NAV2: variants seen among roughly 807,000 people sequenced by gnomAD.
NAV2 encodes helicase, APC down-regulated 1.
NAV2 carries 54 observed loss-of-function variants against 223.2 expected under a neutral mutation model. The ratio of observed to expected loss-of-function variants is 0.24; its 90% CI spans 0.19 to 0.30. NAV2 has a LOEUF of 0.30. Among genes scored for constraint, NAV2 ranks in the 10% least tolerant of loss-of-function variants. NAV2 has a pLI of 1.00. For missense variants in NAV2, 2,806 were observed against 3,147.5 expected (o/e 0.89, Z 2.60); for synonymous variants, 1,279 against 1,239.3 (o/e 1.03, Z -0.67).
At chr11:19,583,820 A>G (rs1198896196) in intron 1 of NAV2, among the ~76,000 whole-genome samples, 6 of 152,136 alleles carry the variant, frequency 3.9e-5, no homozygotes, top group Admixed American at 2.0e-4. Context: ...TTCATCAGGG[A>G]TATTGGTCTA....
intron 1 of NAV2, among the ~76,000 whole-genome samples, chr11:19,427,477 T>C (rs1264686779): frequency 6.6e-6 from 1 of 152,162 alleles, no homozygotes; most frequent in Non-Finnish European, 1.5e-5. Flanking sequence ...AAGTGTCAAA[T>C]AGAACCCAGA....
intron 1 of NAV2, among the ~76,000 whole-genome samples, chr11:19,419,334 T>G (rs921358619): frequency 6.6e-6 from 1 of 152,240 alleles, no homozygotes; most frequent in African/African-American, 2.4e-5. Flanking sequence ...AAATCCATCA[T>G]GAGCCAATTA....
intron 1 of NAV2, among the ~76,000 whole-genome samples, chr11:19,648,278 A>G (rs2047872636): frequency 6.6e-6 from 1 of 152,196 alleles, no homozygotes; most frequent in African/African-American, 2.4e-5. Context: ...TGGAAACACT[A>G]TATAAAATAC....
At chr11:19,524,827 T>C (rs1007828286) in intron 1 of NAV2, among the ~76,000 whole-genome samples, 15 of 152,352 alleles carry the variant, frequency 9.8e-5, no homozygotes, top group African/African-American at 3.6e-4. Flanking sequence ...CTTTACAAGC[T>C]TCTAGGCTTT....
intron 1 of NAV2, among the ~76,000 whole-genome samples, chr11:19,548,972 C>T (rs1432629587): frequency 6.6e-6 from 1 of 151,926 alleles, no homozygotes; most frequent in East Asian, 1.9e-4. Context: ...TCTTCATTCC[C>T]TTCTTTTTGT....
chr11:19,662,276 A>G (rs2048304754), intron 1 of NAV2, among the ~76,000 whole-genome samples: 1 of 152,238 alleles, frequency 6.6e-6, no homozygotes, highest in Non-Finnish European at 1.5e-5. Context: ...AGTAAAAAAA[A>G]TATTATGATT....
At chr11:19,603,300 C>G (rs79066087) in intron 1 of NAV2, among the ~76,000 whole-genome samples, 1 of 152,188 alleles carries the variant, frequency 6.6e-6, no homozygotes, top group African/African-American at 2.4e-5. Context: ...TAAACACCCA[C>G]TATGTGCCAG....
intron 1 of NAV2, among the ~76,000 whole-genome samples, chr11:19,587,057 C>A (rs562068586): frequency 6.6e-6 from 1 of 152,224 alleles, no homozygotes; most frequent in African/African-American, 2.4e-5. Context: ...CTTTGTTTAC[C>A]TACTCAAGCC....
At chr11:19,776,321 G>A (rs1028499793) in intron 1 of NAV2, among the ~76,000 whole-genome samples, 1 of 152,200 alleles carries the variant, frequency 6.6e-6, no homozygotes, top group Non-Finnish European at 1.5e-5. Flanking sequence ...CAAGGGTTGG[G>A]CAGGAAGGTG....
intron 1 of NAV2, among the ~76,000 whole-genome samples, chr11:19,717,512 G>A (rs2050398674): frequency 6.6e-6 from 1 of 152,264 alleles, no homozygotes; most frequent in South Asian, 2.1e-4. Context: ...GAATGTGATA[G>A]TGGAGAATGA....
intron 1 of NAV2, among the ~76,000 whole-genome samples, chr11:19,371,859 C>A (rs754165972): frequency 6.6e-6 from 1 of 150,420 alleles, no homozygotes; most frequent in African/African-American, 2.5e-5. Flanking sequence ...CTTACTGCAA[C>A]CTCCTCCTCC....
chr11:20,113,427 C>T (rs1227892427), intron 36 of NAV2, among the ~76,000 whole-genome samples: 1 of 152,146 alleles, frequency 6.6e-6, no homozygotes, highest in Non-Finnish European at 1.5e-5. Context: ...CTTGAAATTG[C>T]TAGTAATGGT....
In NAV2 at chr11:19,617,301, A is replaced by C. The variant is rs74910357; in HGVS notation, c.76-215183A>C. ...CTAGTTAGGTGGGTGTTAGGAGGAC[A>C]TCTTAGGAGGATGTTGGCAGCTGGA... On this transcript the variant is annotated intron_variant, in intron 1 of 37. Coordinates refer to the NAV2 transcript ENST00000360655. Among the ~76,000 whole-genome samples the C allele has an allele frequency of 9.6e-3, 1,468 of 152,270 alleles. 19 individuals carry two copies. The highest frequency in any genetic ancestry group is 0.043 in the South Asian group (207 of 4,820).
At chr11:19,544,776 A>C (rs933055887) in intron 1 of NAV2, among the ~76,000 whole-genome samples, 2 of 152,214 alleles carry the variant, frequency 1.3e-5, no homozygotes, top group African/African-American at 4.8e-5. Context: ...GGAGCCAGCT[A>C]GGGCTGGAGG....
At chr11:19,984,830 G>A (rs1477553967) in intron 11 of NAV2, among the ~76,000 whole-genome samples, 1 of 152,198 alleles carries the variant, frequency 6.6e-6, no homozygotes, top group Admixed American at 6.5e-5. Context: ...TAATAAAAGA[G>A]GACTATTTGG....
chr11:19,928,953 G>A (rs1161499407), intron 6 of NAV2, among the ~76,000 whole-genome samples: 3 of 152,116 alleles, frequency 2.0e-5, no homozygotes, highest in Non-Finnish European at 4.4e-5. Context: ...AGGACCCCAG[G>A]ATTAGAAATG....
In NAV2 at chr11:20,119,480, G is replaced by A. The variant is rs2063364939; in HGVS notation, c.*1222G>A. 1 of 152,682 alleles carries A rather than the reference G, an allele frequency of 6.5e-6. No individual in the cohort carries two copies. Among genetic ancestry groups the A allele is most frequent in the Non-Finnish European group, 1.5e-5 (1 of 68,120 alleles). The allele number at this position is 152,682 out of a possible 1,614,324, so 9.5% of individuals were successfully genotyped here. ...CGTCCCCGCCCCAGCTTCCGGTGGG[G>A]TGATGCGGTCACCCTGCAAAAGACT... On this transcript the variant is annotated 3_prime_UTR_variant, in exon 38 of 38. Transcript: ENST00000349880.
intron 8 of NAV2, among the ~76,000 whole-genome samples, chr11:19,944,501 T>TCTTTCCCCTTTCCC (rs1001479441): frequency 6.7e-6 from 1 of 149,136 alleles, no homozygotes; most frequent in Non-Finnish European, 1.5e-5. Flanking sequence ...TCCCCTTTCC[T>TCTTTCCCCTTTCCC]CTTTCCCCTT....
rs185733582 is a variant in NAV2, at chr11:19,992,618, C to T, written c.2768+8371C>T. ...TTTTTTTTTTTTTGAGATGGAGTCTCGCTCTGTTCCCCAGGCTGGAGTGCA... is the reference window on the plus strand; with the variant it reads ...TTTTTTTTTTTTTGAGATGGAGTCTTGCTCTGTTCCCCAGGCTGGAGTGCA... On this transcript the variant is annotated intron_variant, in intron 11 of 37. Coordinates refer to ENST00000349880, the MANE Select transcript of NAV2 (RefSeq NM_145117.5). Among the ~76,000 whole-genome samples the T allele has an allele frequency of 3.1e-3, 376 of 121,612 alleles. 1 individual carries two copies. The highest frequency in any genetic ancestry group is 4.6e-3 in the Non-Finnish European group (286 of 62,242). The allele number at this position is 121,612 out of a possible 152,430, so 79.8% of individuals were successfully genotyped here.
Sources: gnomAD v4.1 joint callset for allele counts (sites outside exome capture counted in the v4.1 genomes callset) on GRCh38, gnomAD v4.1.1 for gene constraint, MANE v1.5 for transcripts, NCBI Gene and HGNC (gene_info 2026-07-23, HGNC 2026-07-21) for gene names.